SATL1: variants seen among roughly 807,000 people sequenced by gnomAD.
SATL1 encodes spermidine/spermine N(1)-acetyltransferase-like protein 1.
In SATL1, 47 loss-of-function variants were observed where a neutral mutation model predicts 51.8. The ratio of observed to expected loss-of-function variants is 0.91; its 90% confidence interval spans 0.72 to 1.16. SATL1 has a LOEUF of 1.16. SATL1 is among the 50% of genes most tolerant of loss of function. SATL1 has a pLI of 0.00. For missense variants in SATL1, 520 were observed against 526.4 expected, an observed-to-expected ratio of 0.99 and a Z score of 0.12; for synonymous variants, 176 against 182.4, an observed-to-expected ratio of 0.97 and a Z score of 0.28.
At chrX:85,223,707 G>A (rs764605595) in intron 2 of SATL1, among the ~76,000 whole-genome samples, 52 of 111,335 alleles carry the variant, frequency 4.7e-4, no homozygotes, top group African/African-American at 1.6e-3. Context: ...TATGGGATCC[G>A]TGTGATAGGC....
chrX:85,129,502 C>T (rs998227001), intron 2 of SATL1, among the ~76,000 whole-genome samples: 2 of 111,860 alleles, frequency 1.8e-5, no homozygotes, highest in African/African-American at 6.5e-5. Context: ...ATTTTGTATC[C>T]TGAGACTTTG....
chrX:85,180,914 A>G (rs1927187540), intron 2 of SATL1, among the ~76,000 whole-genome samples: 1 of 110,803 alleles, frequency 9.0e-6, no homozygotes, highest in Non-Finnish European at 1.9e-5. Flanking sequence ...GCATATAGTT[A>G]ATTTCCTTAT....
intron 2 of SATL1, among the ~76,000 whole-genome samples, chrX:85,220,060 A>C (rs1334419294): frequency 9.1e-6 from 1 of 109,769 alleles, no homozygotes; most frequent in Admixed American, 9.7e-5. Context: ...CCAACTCCCC[A>C]GCAGCAGTGT....
chrX:85,138,789 T>C (rs1265767455), intron 2 of SATL1, among the ~76,000 whole-genome samples: 1 of 110,857 alleles, frequency 9.0e-6, no homozygotes, highest in Non-Finnish European at 1.9e-5. Flanking sequence ...AAGGAAGATA[T>C]GGGGCAAATA....
At chrX:85,241,724 G>C in intron 1 of SATL1, among the ~76,000 whole-genome samples, 1 of 111,835 alleles carries the variant, frequency 8.9e-6, no homozygotes, top group East Asian at 2.8e-4. Context: ...CAATGTTTAA[G>C]CAGGGGAGTA....
intron 2 of SATL1, among the ~76,000 whole-genome samples, chrX:85,113,047 G>T (rs932345071): frequency 1.8e-5 from 2 of 111,081 alleles, no homozygotes; most frequent in African/African-American, 3.3e-5. Context: ...GGTTCTGTGG[G>T]TCTTGGACTC....
At chrX:85,095,683 G>C (rs765286584) in intron 4 of SATL1, among the ~76,000 whole-genome samples, 1 of 105,140 alleles carries the variant, frequency 9.5e-6, no homozygotes, top group African/African-American at 3.5e-5. Flanking sequence ...AAAATTAGCC[G>C]GGCGTAGTGG....
intron 2 of SATL1, among the ~76,000 whole-genome samples, chrX:85,197,875 A>G (rs1399625609): frequency 1.8e-5 from 2 of 109,777 alleles, no homozygotes; most frequent in Non-Finnish European, 3.8e-5. Context: ...TATGTGCCAC[A>G]TTTTCTTAAT....
intron 2 of SATL1, among the ~76,000 whole-genome samples, chrX:85,114,756 C>T (rs1925344310): frequency 8.9e-6 from 1 of 112,072 alleles, no homozygotes; most frequent in East Asian, 2.8e-4. Context: ...CAGATTTTAC[C>T]TTTGCGTTAG....
chrX:85,239,592 T>C (rs1392741619), intron 1 of SATL1, among the ~76,000 whole-genome samples: 1 of 111,572 alleles, frequency 9.0e-6, no homozygotes, highest in African/African-American at 3.2e-5. Flanking sequence ...ATCACACTAC[T>C]TAATTTTAGA....
At chrX:85,217,745 A>G (rs1928079313) in intron 2 of SATL1, among the ~76,000 whole-genome samples, 1 of 111,375 alleles carries the variant, frequency 9.0e-6, no homozygotes, top group African/African-American at 3.3e-5. Flanking sequence ...CTCTCTATAG[A>G]TATTTGATAC....
chrX:85,187,824 T>C (rs1283302906), intron 2 of SATL1, among the ~76,000 whole-genome samples: 1 of 111,839 alleles, frequency 8.9e-6, no homozygotes, highest in Non-Finnish European at 1.9e-5. Context: ...ATCAGAGTTA[T>C]GCTGGCCTTG....
intron 2 of SATL1, among the ~76,000 whole-genome samples, chrX:85,117,955 G>C (rs1181483160): frequency 9.1e-6 from 1 of 110,033 alleles, no homozygotes; most frequent in African/African-American, 3.3e-5. Flanking sequence ...GTGGAGATCA[G>C]GGACAAAAGA....
chrX:85,187,941 C>A (rs1206095562), intron 2 of SATL1, among the ~76,000 whole-genome samples: 8 of 110,037 alleles, frequency 7.3e-5, no homozygotes, highest in African/African-American at 2.0e-4. Context: ...AGTTCTAAAC[C>A]TTTTAAATTC....
intron 2 of SATL1, among the ~76,000 whole-genome samples, chrX:85,170,215 C>T (rs1926943514): frequency 9.0e-6 from 1 of 110,912 alleles, no homozygotes; most frequent in African/African-American, 3.3e-5. Context: ...ATCTGTACAA[C>T]AAACCCCCAT....
intron 2 of SATL1, among the ~76,000 whole-genome samples, chrX:85,208,106 A>G (rs1331845379): frequency 1.8e-5 from 2 of 108,688 alleles, no homozygotes; most frequent in Non-Finnish European, 3.8e-5. Context: ...CCTGTGTCCA[A>G]GTGATCTCAT....
rs1301722534 is a variant in SATL1 at position 85,205,433 on chromosome X, C to A, written c.-313+18772G>T. On this transcript the variant is annotated intron_variant, in intron 2 of 7. Coordinates refer to ENST00000644105, the MANE Select transcript of SATL1 (RefSeq NM_001367857.2). The stretch of plus-strand genomic sequence containing the variant: ...AAATAATTTCAGATTGTGATAAATT[C>A]TATAAATAAAATAAAACAGGATGAT... Among the ~76,000 whole-genome samples, 3 of 111,721 alleles carry A rather than the reference C, an allele frequency of 2.7e-5. No individual in the cohort carries two copies. The East Asian group carries it at 8.4e-4, about 31-fold the overall frequency.
chrX:85,154,838 CAGTAT>C (rs1292638532), intron 2 of SATL1, among the ~76,000 whole-genome samples: 1 of 112,267 alleles, frequency 8.9e-6, no homozygotes, highest in East Asian at 2.8e-4. Context: ...GGGTAAATAA[CAGTAT>C]AGTAAAATCT....
intron 2 of SATL1, among the ~76,000 whole-genome samples, chrX:85,175,339 C>T (rs1395171202): frequency 2.7e-5 from 3 of 111,455 alleles, no homozygotes; most frequent in African/African-American, 9.8e-5. Context: ...AACCATATAA[C>T]TACTAGAAGA....
Sources: allele counts gnomAD v4.1 joint callset (sites outside exome capture counted in the v4.1 genomes callset), GRCh38; gene constraint gnomAD v4.1.1; transcripts MANE v1.5; gene names NCBI Gene and HGNC (gene_info 2026-07-23, HGNC 2026-07-21).